Variants in LRRC20 observed in about 807,000 individuals in gnomAD.
LRRC20 encodes the protein leucine rich repeat containing 20, also known as leucine-rich repeat-containing protein 20.
LRRC20 carries 11 observed loss-of-function variants against 14.4 expected under a neutral mutation model. The observed-to-expected ratio is 0.77, with a 90% CI of 0.48 to 1.27. The LOEUF (loss-of-function observed/expected upper bound fraction) is 1.27, where lower values mean the gene tolerates loss of function less well. Ranked by LOEUF, LRRC20 falls within the 50% of genes most tolerant of loss-of-function variation. LRRC20 has a pLI of 0.00. For synonymous variants in LRRC20, 121 were observed against 107.3 expected (o/e 1.13, Z -0.79); for missense variants, 219 against 251.2 (o/e 0.87, Z 0.87).
intron 4 of LRRC20, among the ~76,000 whole-genome samples, chr10:70,313,269 C>T (rs573041140): frequency 6.6e-6 from 1 of 152,358 alleles, no homozygotes; most frequent in Admixed American, 6.5e-5. Context: ...TGCCTTCCCA[C>T]AGGCTGCTCT....
chr10:70,330,433 A>C (rs1017311274), intron 3 of LRRC20, among the ~76,000 whole-genome samples: 3 of 151,066 alleles, frequency 2.0e-5, no homozygotes, highest in Admixed American at 6.6e-5. Flanking sequence ...TTGAGTGGGA[A>C]CCAAACCATG....
At chr10:70,335,185 T>C (rs1421050688) in intron 3 of LRRC20, among the ~76,000 whole-genome samples, 1 of 152,196 alleles carries the variant, frequency 6.6e-6, no homozygotes, top group Non-Finnish European at 1.5e-5. Context: ...AGAAGCCTGG[T>C]GCTGCTGAAA....
intron 3 of LRRC20, among the ~76,000 whole-genome samples, chr10:70,338,565 G>C (rs932668142): frequency 2.0e-5 from 3 of 152,172 alleles, no homozygotes; most frequent in African/African-American, 7.2e-5. Context: ...CCACTTTCCA[G>C]CTTTCAGGCT....
At chr10:70,382,468 A>G (rs1233144904) in intron 1 of LRRC20, 81 bp downstream of exon 1, 1 of 152,322 alleles carries the variant, frequency 6.6e-6, no homozygotes, top group Non-Finnish European at 1.5e-5. Context: ...CAGCCCCTGC[A>G]ACGCTTGACC....
chr10:70,381,368 G>T (rs1208747238), intron 1 of LRRC20: 1 of 152,238 alleles, frequency 6.6e-6, no homozygotes, highest in Non-Finnish European at 1.5e-5. Context: ...TGCTTTGGGG[G>T]AGCTGGCAAT....
intron 2 of LRRC20, among the ~76,000 whole-genome samples, chr10:70,366,096 A>C (rs10999299): frequency 0.96 from 140,647 of 146,662 alleles, 67,707 homozygotes; most frequent in Non-Finnish European, 1. Context: ...ACAACAACAA[A>C]AAACGAATGG....
intron 2 of LRRC20, among the ~76,000 whole-genome samples, chr10:70,366,096 A>T (rs10999299): frequency 6.8e-6 from 1 of 146,608 alleles, no homozygotes; most frequent in Non-Finnish European, 1.5e-5. Flanking sequence ...ACAACAACAA[A>T]AAACGAATGG....
At position 70,376,445 on chromosome 10, in the gene LRRC20, C is replaced by T. The variant is rs369142545; in HGVS notation, c.82+7G>A. 7 of 1,613,944 alleles carry T rather than the reference C, an allele frequency of 4.3e-6. No homozygotes were observed. Among genetic ancestry groups the T allele is most frequent in the African/African-American group, 4.0e-5 (3 of 74,956 alleles). ...GGGAAGTTGGGAAAAGCCCTGCCCT[C>T]ACTCACCCAGAGTGTCAGAGCCGCT... On this transcript the variant is annotated splice_region_variant and intron_variant, in intron 2 of 4. Transcript: ENST00000446961.
At chr10:70,358,403 C>T (rs2137089786) in intron 2 of LRRC20, among the ~76,000 whole-genome samples, 1 of 152,288 alleles carries the variant, frequency 6.6e-6, no homozygotes, top group East Asian at 1.9e-4. Context: ...ACCAACTGAC[C>T]AGATTTCTAC....
chr10:70,353,629 G>A (rs1843408821), intron 2 of LRRC20, among the ~76,000 whole-genome samples: 1 of 152,096 alleles, frequency 6.6e-6, no homozygotes, highest in Non-Finnish European at 1.5e-5. Flanking sequence ...TGTTGGCCAG[G>A]CTGGTCTCGA....
intron 4 of LRRC20, among the ~76,000 whole-genome samples, chr10:70,317,520 C>A (rs1841907318): frequency 6.6e-6 from 1 of 152,162 alleles, no homozygotes; most frequent in Non-Finnish European, 1.5e-5. Flanking sequence ...TACAGGTATG[C>A]ACCACCATGC....
intron 2 of LRRC20, among the ~76,000 whole-genome samples, chr10:70,373,558 ATGGC>A (rs1844391463): frequency 6.6e-6 from 1 of 152,206 alleles, no homozygotes; most frequent in African/African-American, 2.4e-5. Flanking sequence ...GGTGCCTACT[ATGGC>A]CAGGTTGGAA....
chr10:70,328,764 A>T (rs1449273782), intron 3 of LRRC20, among the ~76,000 whole-genome samples: 2 of 152,174 alleles, frequency 1.3e-5, no homozygotes, highest in African/African-American at 4.8e-5. Context: ...CTAAAAATAC[A>T]AAAATCAGCC....
At chr10:70,376,106 T>C (rs1247776331) in intron 2 of LRRC20, among the ~76,000 whole-genome samples, 2 of 152,074 alleles carry the variant, frequency 1.3e-5, no homozygotes, top group Non-Finnish European at 2.9e-5. Flanking sequence ...TTCAACAAGA[T>C]AACATTCAGG....
intron 4 of LRRC20, among the ~76,000 whole-genome samples, chr10:70,310,166 G>T (rs541297168): frequency 6.6e-6 from 1 of 152,232 alleles, no homozygotes; most frequent in Non-Finnish European, 1.5e-5. Context: ...AGTCAAACTC[G>T]CAAGTGACAA....
At chr10:70,308,175 A>C (rs1008265265) in intron 4 of LRRC20, among the ~76,000 whole-genome samples, 3 of 152,196 alleles carry the variant, frequency 2.0e-5, no homozygotes, top group Non-Finnish European at 2.9e-5. Flanking sequence ...GAGCACCAAC[A>C]AGAAAGTTCC....
intron 4 of LRRC20, among the ~76,000 whole-genome samples, chr10:70,304,470 TTATATATATA>T (rs57284629): frequency 0.052 from 5,969 of 113,802 alleles, 378 homozygotes; most frequent in Middle Eastern, 0.073. Flanking sequence ...GGCCACTTCT[TTATATATATA>T]TATATATATA....
At chr10:70,361,246 T>C (rs534955283) in intron 2 of LRRC20, among the ~76,000 whole-genome samples, 1 of 152,220 alleles carries the variant, frequency 6.6e-6, no homozygotes, top group South Asian at 2.1e-4. Context: ...GCTGGGAAAA[T>C]CAGATGCACT....
intron 2 of LRRC20, among the ~76,000 whole-genome samples, chr10:70,360,381 C>T (rs2137099470): frequency 6.6e-6 from 1 of 151,610 alleles, no homozygotes; most frequent in Admixed American, 6.6e-5. Context: ...CCTCCTCCTC[C>T]TCCCCATCTC....
Sources: gnomAD v4.1 joint callset for allele counts (sites outside exome capture counted in the v4.1 genomes callset) on GRCh38, gnomAD v4.1.1 for gene constraint, MANE v1.5 for transcripts, NCBI Gene and HGNC (gene_info 2026-07-23, HGNC 2026-07-21) for gene names.